Variants in GALNT13 observed in about 807,000 individuals in gnomAD.
The protein encoded by GALNT13 is polypeptide N-acetylgalactosaminyltransferase 13, also known as UDP-GalNAc:polypeptide N-acetylgalactosaminyltransferase 13.
Under a neutral mutation model 64.2 loss-of-function variants are expected in GALNT13, and 28 were observed. That is an observed-to-expected ratio of 0.44 (90% CI 0.32 to 0.60). GALNT13 has a LOEUF of 0.60. Ranked by LOEUF, GALNT13 falls within the 20% of genes least tolerant of loss-of-function variation. The probability of loss-of-function intolerance (pLI) is 0.05; values close to 1 mark genes in which losing one functional copy is unlikely to be tolerated. For missense variants in GALNT13, 577 were observed against 669.8 expected (o/e 0.86, Z 1.53); for synonymous variants, 214 against 224.6 (o/e 0.95, Z 0.42).
At chr2:153,613,439 A>G in the GALNT13 span, among the ~76,000 whole-genome samples, 5 of 152,090 alleles carry the variant, frequency 3.3e-5, no homozygotes, top group Non-Finnish European at 7.3e-5. Flanking sequence ...TTTCTGTCAG[A>G]TGCAAAAAGT....
the GALNT13 span, among the ~76,000 whole-genome samples, chr2:153,601,881 T>G: frequency 1.3e-5 from 2 of 151,402 alleles, no homozygotes; most frequent in Non-Finnish European, 3.0e-5. Flanking sequence ...CAAGAAAGAG[T>G]GCTAAAATAG....
intron 9 of GALNT13, among the ~76,000 whole-genome samples, chr2:154,362,009 A>T (rs1697097459): frequency 6.6e-6 from 1 of 152,098 alleles, no homozygotes; most frequent in South Asian, 2.1e-4. Context: ...AGATCCTGCT[A>T]CTACTGAGCC....
intron 3 of GALNT13, among the ~76,000 whole-genome samples, chr2:154,050,226 TAGTG>T (rs1401573410): frequency 1.3e-5 from 2 of 152,180 alleles, no homozygotes; most frequent in African/African-American, 4.8e-5. Context: ...AATTTCATAA[TAGTG>T]AGGTGATGTG....
intron 4 of GALNT13, among the ~76,000 whole-genome samples, chr2:154,165,049 A>G (rs1684951070): frequency 6.6e-6 from 1 of 152,148 alleles, no homozygotes; most frequent in Admixed American, 6.6e-5. Context: ...ACACAAAATG[A>G]AAAATGTGTC....
chr2:154,270,044 A>G (rs1030815891), intron 8 of GALNT13, among the ~76,000 whole-genome samples: 2 of 150,934 alleles, frequency 1.3e-5, no homozygotes, highest in African/African-American at 4.9e-5. Context: ...ACTGCTATAA[A>G]TAACTGGCTT....
intron 3 of GALNT13, among the ~76,000 whole-genome samples, chr2:154,004,094 CTA>C (rs1696092228): frequency 6.6e-6 from 1 of 152,042 alleles, no homozygotes; most frequent in African/African-American, 2.4e-5. Flanking sequence ...GAATTATAGA[CTA>C]ATTCTAATTA....
chr2:154,396,096 C>G lies in GALNT13; in HGVS notation c.1262C>G (p.Ser421Cys), dbSNP rs1231508747. The G allele has an allele frequency of 1.2e-6, 2 of 1,607,582 alleles. No individual in the cohort carries two copies. Among genetic ancestry groups the G allele is most frequent in the Middle Eastern group, 1.7e-4 (1 of 6,060 alleles). The change falls in exon 10 of 13, where the codon TCC (serine) becomes TGC (cysteine). Residue 421 changes from serine (S) to cysteine (C), a missense_variant. Transcript: ENST00000392825. ...TACCTAGAAAACATCTATCCGGACT[C>G]CCAGATCCCAAGACGTTATTACTCA... ...SWYLENIYPD[S>C]QIPRRYYSLG...
At chr2:154,413,954 G>T (rs1397581404) in intron 11 of GALNT13, among the ~76,000 whole-genome samples, 1 of 151,982 alleles carries the variant, frequency 6.6e-6, no homozygotes, top group East Asian at 1.9e-4. Flanking sequence ...TACTTCTTTA[G>T]AAATATCTCT....
chr2:154,376,355 G>T (rs575899727), intron 9 of GALNT13, among the ~76,000 whole-genome samples: 31 of 152,086 alleles, frequency 2.0e-4, no homozygotes, highest in Admixed American at 9.8e-4. Context: ...TAAGAACACG[G>T]GTCTTTTCCT....
At chr2:153,461,247 A>C in the GALNT13 span, among the ~76,000 whole-genome samples, 1 of 152,118 alleles carries the variant, frequency 6.6e-6, no homozygotes, top group African/African-American at 2.4e-5. Context: ...TCAGAAGTTT[A>C]ACATGCAGGA....
chr2:153,191,849 A>G, the GALNT13 span, among the ~76,000 whole-genome samples: 2 of 151,810 alleles, frequency 1.3e-5, no homozygotes, highest in East Asian at 1.9e-4. Flanking sequence ...TTGTTAGTGT[A>G]TAGTTGTTTA....
chr2:153,725,146 G>A, the GALNT13 span, among the ~76,000 whole-genome samples: 3 of 146,292 alleles, frequency 2.1e-5, no homozygotes. Context: ...ATGAGTTCAT[G>A]TCCTTTGTAG....
intron 4 of GALNT13, among the ~76,000 whole-genome samples, chr2:154,188,216 C>G (rs529067038): frequency 6.6e-6 from 1 of 152,206 alleles, no homozygotes; most frequent in Non-Finnish European, 1.5e-5. Context: ...GATGAATGCT[C>G]TGTAGCCACG....
chr2:154,374,290 T>G (rs925187964), intron 9 of GALNT13, among the ~76,000 whole-genome samples: 1 of 152,244 alleles, frequency 6.6e-6, no homozygotes, highest in Admixed American at 6.5e-5. Context: ...GGAATACTTA[T>G]TAATCTGGAG....
At chr2:154,296,476 T>C (rs1333478268) in intron 8 of GALNT13, among the ~76,000 whole-genome samples, 3 of 152,162 alleles carry the variant, frequency 2.0e-5, no homozygotes. Flanking sequence ...GAGTATTCCA[T>C]AGGAAGGGAG....
At chr2:153,405,503 G>A in the GALNT13 span, among the ~76,000 whole-genome samples, 1 of 152,132 alleles carries the variant, frequency 6.6e-6, no homozygotes, top group African/African-American at 2.4e-5. Flanking sequence ...GGCTCCACAG[G>A]TATCCTCAGT....
In GALNT13 at chr2:154,438,574, C is replaced by T; in HGVS notation, c.1396-18C>T. On this transcript the variant is annotated intron_variant, in intron 11 of 12. Coordinates refer to ENST00000392825, the MANE Select transcript of GALNT13 (RefSeq NM_052917.4). ...TTAAAACATACATTTTTTTTATTAG[C>T]TGAATTTATATTTTCAGGTATTTTC... The T allele has an allele frequency of 6.3e-7, 1 of 1,586,028 alleles. No homozygotes were observed. The highest frequency in any genetic ancestry group is 8.6e-7 in the Non-Finnish European group (1 of 1,157,474).
At chr2:153,395,005 A>T in the GALNT13 span, among the ~76,000 whole-genome samples, 3 of 152,092 alleles carry the variant, frequency 2.0e-5, no homozygotes, top group African/African-American at 7.2e-5. Flanking sequence ...TTGCAGTTGC[A>T]TTACCGAGGT....
intron 8 of GALNT13, among the ~76,000 whole-genome samples, chr2:154,264,808 G>T (rs1225542374): frequency 6.8e-6 from 1 of 147,340 alleles, no homozygotes; most frequent in East Asian, 2.0e-4. Flanking sequence ...AAAAAAAAAA[G>T]AGGTAAAATC....
Sources: allele counts gnomAD v4.1 joint callset (sites outside exome capture counted in the v4.1 genomes callset), GRCh38; gene constraint gnomAD v4.1.1; transcripts MANE v1.5; gene names NCBI Gene and HGNC (gene_info 2026-07-23, HGNC 2026-07-21).